PDE8A: variants seen among roughly 807,000 people sequenced by gnomAD.
The protein encoded by PDE8A is high affinity cAMP-specific and IBMX-insensitive 3',5'-cyclic phosphodiesterase 8A.
A neutral mutation model predicts 105.0 loss-of-function variants in PDE8A; 59 were observed. The observed-to-expected ratio is 0.56, with a 90% confidence interval of 0.46 to 0.70. The LOEUF (loss-of-function observed/expected upper bound fraction) is 0.70, where lower values mean the gene tolerates loss of function less well. Ranked by LOEUF, PDE8A falls within the 30% of genes least tolerant of loss-of-function variation. PDE8A has a pLI of 0.00. For synonymous variants in PDE8A, 355 were observed against 371.9 expected, an observed-to-expected ratio of 0.95 and a Z score of 0.52; for missense variants, 1,014 against 1,045.9, an observed-to-expected ratio of 0.97 and a Z score of 0.42.
At chr15:84,998,800 A>C (rs916838855) in intron 1 of PDE8A, among the ~76,000 whole-genome samples, 1 of 152,214 alleles carries the variant, frequency 6.6e-6, no homozygotes, top group African/African-American at 2.4e-5. Context: ...GAATTATAGT[A>C]AAGGCTTTCC....
chr15:85,084,516 CT>C (rs2081518502), intron 6 of PDE8A, among the ~76,000 whole-genome samples: 1 of 152,162 alleles, frequency 6.6e-6, no homozygotes, highest in Non-Finnish European at 1.5e-5. Flanking sequence ...CTTGGGCCTG[CT>C]TTTTTCCCAC....
At chr15:85,064,572 A>T in intron 2 of PDE8A, 146 bp downstream of exon 2, 1 of 609,102 alleles carries the variant, frequency 1.6e-6, no homozygotes, top group South Asian at 2.1e-5. Context: ...CTGTAACAGT[A>T]TTATAGTTAT....
chr15:85,067,370 T>G (rs1222830746), intron 3 of PDE8A, among the ~76,000 whole-genome samples, 166 bp downstream of exon 3: 1 of 152,228 alleles, frequency 6.6e-6, no homozygotes, highest in African/African-American at 2.4e-5. Context: ...GCATATCTCT[T>G]TTGTTTTGTC....
intron 13 of PDE8A, 60 bp downstream of exon 13, chr15:85,113,507 T>A: frequency 7.2e-7 from 1 of 1,394,984 alleles, no homozygotes; most frequent in South Asian, 1.2e-5. Flanking sequence ...TCCCCAAGGA[T>A]CATTTCCAAT....
At chr15:85,076,184 A>G (rs2081378146) in intron 4 of PDE8A, among the ~76,000 whole-genome samples, 1 of 152,192 alleles carries the variant, frequency 6.6e-6, no homozygotes, top group Non-Finnish European at 1.5e-5. Context: ...TAAAAGTATG[A>G]ATGTTTTCCA....
Position 85,123,178 on chromosome 15 carries a change from A to C in PDE8A, c.2070A>C (p.Thr690=). 1 of 1,614,078 alleles carries C rather than the reference A, an allele frequency of 6.2e-7. No individual in the cohort carries two copies. Among genetic ancestry groups the C allele is most frequent in the Non-Finnish European group, 8.5e-7 (1 of 1,179,974 alleles). ...FVNSINKPLA[T]LEENGETDKN... ...ACAGCATCAACAAACCCTTGGCAACACTAGAAGAAAATGGGGTAAGGGAAA... is the reference window on the plus strand; with the variant it reads ...ACAGCATCAACAAACCCTTGGCAACCCTAGAAGAAAATGGGGTAAGGGAAA... The change falls in exon 19 of 22, where the codon ACA becomes ACC. Residue 690 remains threonine (T), a synonymous_variant. Transcript: ENST00000394553.
rs1004637259 is a variant in PDE8A at position 85,076,866 on chromosome 15, G to A, written c.546+79G>A. The A allele has an allele frequency of 1.1e-5, 11 of 958,620 alleles. No homozygotes were observed. In the South Asian group the frequency reaches 1.3e-4, roughly 11 times the overall value. The allele number at this position is 958,620 out of a possible 1,614,324, so 59.4% of individuals were successfully genotyped here. On this transcript the variant is annotated intron_variant, in intron 5 of 21. Transcript: ENST00000394553. ...TATCTCAGTTCAGTACCCAGCAAAA[G>A]CTTTGTATTAATTTGAAGAAAAAAA...
At chr15:85,083,358 G>A (rs2081498386) in intron 5 of PDE8A, among the ~76,000 whole-genome samples, 198 bp from the exon 6 acceptor site, 1 of 151,678 alleles carries the variant, frequency 6.6e-6, no homozygotes, top group Admixed American at 6.6e-5. Context: ...AGAAGGAAAA[G>A]CATTCTTAAA....
intron 21 of PDE8A, among the ~76,000 whole-genome samples, chr15:85,137,463 G>T (rs3743158): frequency 1.3e-5 from 2 of 151,252 alleles, no homozygotes; most frequent in Non-Finnish European, 2.9e-5. Flanking sequence ...CGGTTGGGGC[G>T]GGGGGGCAGG....
chr15:85,109,145 C>A lies in PDE8A; in HGVS notation c.1114+15C>A. 6.3e-7 allele frequency: 1 copy of A among 1,581,262 alleles called. No individual in the cohort carries two copies. Among genetic ancestry groups the A allele is most frequent in the Non-Finnish European group, 8.7e-7 (1 of 1,151,692 alleles). ...TGCAACTGAAGGTGAGTGACAAAGA[C>A]AAGAGAAAAAAATGTGATCAAATCA... is the stretch of plus-strand genomic sequence containing the variant. On this transcript the variant is annotated intron_variant, in intron 12 of 21. Coordinates refer to ENST00000394553, the MANE Select transcript of PDE8A (RefSeq NM_002605.3).
intron 17 of PDE8A, among the ~76,000 whole-genome samples, chr15:85,119,559 A>G (rs947502784): frequency 2.0e-5 from 3 of 151,668 alleles, no homozygotes; most frequent in Non-Finnish European, 4.4e-5. Context: ...ATTTAAATCA[A>G]TTTAAATAAA....
chr15:85,017,272 AAAAAT>A (rs1200849560), intron 1 of PDE8A, among the ~76,000 whole-genome samples: 2 of 149,716 alleles, frequency 1.3e-5, no homozygotes, highest in Non-Finnish European at 3.0e-5. Context: ...CAAAAAAAAA[AAAAAT>A]AAATAAATGA....
chr15:85,030,929 T>C (rs996963917), intron 1 of PDE8A, among the ~76,000 whole-genome samples: 3 of 152,266 alleles, frequency 2.0e-5, no homozygotes, highest in Non-Finnish European at 4.4e-5. Flanking sequence ...TATCTGTTTA[T>C]ATTTTTATAT....
intron 1 of PDE8A, among the ~76,000 whole-genome samples, chr15:84,991,843 T>C (rs2079890034): frequency 6.6e-6 from 1 of 152,202 alleles, no homozygotes; most frequent in Non-Finnish European, 1.5e-5. Context: ...TAAGTTATGA[T>C]TCTTTTTATT....
intron 1 of PDE8A, chr15:85,062,513 G>A (rs1478893049): frequency 6.6e-6 from 1 of 152,268 alleles, no homozygotes; most frequent in African/African-American, 2.4e-5. Flanking sequence ...CTCTTCAACT[G>A]GAGGGGGAAT....
intron 3 of PDE8A, among the ~76,000 whole-genome samples, chr15:85,069,094 A>T (rs1031168524): frequency 7.2e-5 from 11 of 152,232 alleles, no homozygotes; most frequent in Non-Finnish European, 1.5e-4. Context: ...GAGGAGCTGA[A>T]ATATTTCAAT....
chr15:85,067,993 G>A (rs2081256549), intron 3 of PDE8A, among the ~76,000 whole-genome samples: 14 of 151,828 alleles, frequency 9.2e-5, no homozygotes, highest in Admixed American at 9.2e-4. Context: ...TTCCTCATCT[G>A]TTTCAATCTG....
chr15:85,017,154 G>A (rs200562274), intron 1 of PDE8A, among the ~76,000 whole-genome samples: 1 of 151,576 alleles, frequency 6.6e-6, no homozygotes, highest in African/African-American at 2.4e-5. Flanking sequence ...CCAGCTACTC[G>A]GGAGGCTGAG....
chr15:85,006,389 C>CCATA (rs1225769167), intron 1 of PDE8A, among the ~76,000 whole-genome samples: 1 of 152,122 alleles, frequency 6.6e-6, no homozygotes, highest in Non-Finnish European at 1.5e-5. Flanking sequence ...GGGCAGGATG[C>CCATA]CATACACAGA....
Sources: gnomAD v4.1 joint callset for allele counts (sites outside exome capture counted in the v4.1 genomes callset) on GRCh38, gnomAD v4.1.1 for gene constraint, MANE v1.5 for transcripts, NCBI Gene and HGNC (gene_info 2026-07-23, HGNC 2026-07-21) for gene names.